The following CHKA variants were observed in gnomAD, a reference collection of about 807,000 sequenced individuals.
The protein encoded by CHKA is choline kinase alpha.
In CHKA, 34 loss-of-function variants were observed where a neutral mutation model predicts 60.1. The observed-to-expected ratio is 0.57, with a 90% confidence interval of 0.43 to 0.75. CHKA has a LOEUF of 0.75. Ranked by LOEUF, CHKA falls within the 30% of genes least tolerant of loss-of-function variation. CHKA has a pLI of 0.00. For missense variants in CHKA, 563 were observed against 561.3 expected (o/e 1.00, Z -0.03); for synonymous variants, 217 against 223.1 (o/e 0.97, Z 0.24).
At chr11:68,064,706 G>T (rs1485136897) in intron 9 of CHKA, 75 bp from the exon 10 acceptor site, 2 of 832,120 alleles carry the variant, frequency 2.4e-6, no homozygotes, top group Non-Finnish European at 3.9e-6. Context: ...CTAAGCATAT[G>T]CATCTACTGT....
intron 2 of CHKA, among the ~76,000 whole-genome samples, chr11:68,094,998 T>C (rs1198129979): frequency 6.6e-6 from 1 of 152,210 alleles, no homozygotes. Flanking sequence ...CATATGGATA[T>C]GATCTACTTT....
intron 1 of CHKA, among the ~76,000 whole-genome samples, chr11:68,100,899 C>G (rs1284297062): frequency 7.0e-6 from 1 of 142,438 alleles, no homozygotes. Flanking sequence ...TTCCTTAAAA[C>G]AGAATACTAA....
chr11:68,065,983 C>A, intron 8 of CHKA, 89 bp from the exon 9 acceptor site: 1 of 867,244 alleles, frequency 1.2e-6, no homozygotes, highest in South Asian at 1.5e-5. Flanking sequence ...GGCTGAGTTC[C>A]GAGCACGCCA....
Position 68,065,869 on chromosome 11 carries a change from A to C in CHKA, c.1042T>G (p.Cys348Gly). The C allele has an allele frequency of 6.2e-7, 1 of 1,602,246 alleles. No homozygotes were observed. Among genetic ancestry groups the C allele is most frequent in the Non-Finnish European group, 8.5e-7 (1 of 1,170,366 alleles). ...YRGFDIGNHF[C>G]EWMYDYSYEK... The stretch of plus-strand genomic sequence containing the variant: ...TAGCTATAATCATACATCCACTCAC[A>C]GAAGTGATTTCCAATGTCGAATCCC... Residue 348 changes from cysteine (C) to glycine (G), a missense_variant, in exon 9 of 12, where the codon TGT (cysteine) becomes GGT (glycine). Coordinates refer to ENST00000265689, the MANE Select transcript of CHKA (RefSeq NM_001277.3).
chr11:68,090,503 T>A (rs894121041), intron 2 of CHKA, among the ~76,000 whole-genome samples: 1 of 152,210 alleles, frequency 6.6e-6, no homozygotes, highest in Non-Finnish European at 1.5e-5. Context: ...TAGCAGCTGA[T>A]TTCTCAGTAG....
chr11:68,084,345 T>C (rs1857097310), intron 2 of CHKA, among the ~76,000 whole-genome samples: 1 of 139,212 alleles, frequency 7.2e-6, no homozygotes. Flanking sequence ...CGTATATATA[T>C]GTGTATATAT....
intron 11 of CHKA, among the ~76,000 whole-genome samples, chr11:68,058,937 C>T (rs1856121619): frequency 6.6e-6 from 1 of 152,128 alleles, no homozygotes; most frequent in Non-Finnish European, 1.5e-5. Flanking sequence ...GCTCTTGTTG[C>T]CCAGGCTGGA....
chr11:68,079,764 C>T (rs991302172), intron 3 of CHKA, among the ~76,000 whole-genome samples: 2 of 152,148 alleles, frequency 1.3e-5, no homozygotes, highest in African/African-American at 2.4e-5. Flanking sequence ...GTTTGAGGGG[C>T]ATGTGAGACA....
chr11:68,074,803 C>A lies in CHKA; in HGVS notation c.544G>T (p.Val182Phe). The change falls in exon 4 of 12, where the codon GTT becomes TTT. Residue 182 changes from valine to phenylalanine, a missense_variant. Physicochemically the swap from Val to Phe is conservative, Grantham distance 50. Transcript: ENST00000265689. ...QGAEAMVLES[V>F]MFAILAERSL... ...CTCTCTGCGAGAATGGCAAACATAA[C>A]GCTCTCCAGAACCATGGCCTCAGCC... 6.2e-7 allele frequency: 1 copy of A among 1,614,202 alleles called. No homozygotes were observed. Among genetic ancestry groups the A allele is most frequent in the Non-Finnish European group, 8.5e-7 (1 of 1,180,034 alleles).
intron 8 of CHKA, among the ~76,000 whole-genome samples, 154 bp downstream of exon 8, chr11:68,066,275 T>C (rs1856441765): frequency 6.6e-6 from 1 of 152,194 alleles, no homozygotes; most frequent in South Asian, 2.1e-4. Flanking sequence ...ACCACAACCA[T>C]CACCGGCCAC....
In CHKA at chr11:68,119,724, T is replaced by G. The variant is rs1234652143; in HGVS notation, c.350+1104A>C. On this transcript the variant is annotated intron_variant, in intron 1 of 11. Coordinates refer to ENST00000265689, the MANE Select transcript of CHKA (RefSeq NM_001277.3). ...ACCTCGTGACCCGCCCACCTTGGCCTCCCAAAGTGCTGGGATTACAGGCGT... is the reference window on the plus strand; with the variant it reads ...ACCTCGTGACCCGCCCACCTTGGCCGCCCAAAGTGCTGGGATTACAGGCGT... Among the ~76,000 whole-genome samples, 12 of 152,022 alleles carry G rather than the reference T, an allele frequency of 7.9e-5. 1 individual carries two copies. The South Asian group carries it at 2.5e-3, about 32-fold the overall frequency.
intron 1 of CHKA, among the ~76,000 whole-genome samples, chr11:68,119,474 CTTTGTT>C (rs954858869): frequency 6.6e-6 from 1 of 152,016 alleles, no homozygotes; most frequent in East Asian, 1.9e-4. Flanking sequence ...GGAACACGTT[CTTTGTT>C]TTTGTTTTTT....
At chr11:68,080,007 G>C (rs570597973) in intron 3 of CHKA, among the ~76,000 whole-genome samples, 110 of 152,284 alleles carry the variant, frequency 7.2e-4, no homozygotes, top group African/African-American at 2.5e-3. Flanking sequence ...AAAAGGGTGG[G>C]GGTCATGTCA....
At chr11:68,055,383 ACT>A (rs1456288840) in intron 11 of CHKA, among the ~76,000 whole-genome samples, 3 of 152,026 alleles carry the variant, frequency 2.0e-5, no homozygotes, top group Admixed American at 6.6e-5. Flanking sequence ...ACAGAGTGAG[ACT>A]CTGTCTCAAA....
chr11:68,084,425 C>T (rs12807448), intron 2 of CHKA, among the ~76,000 whole-genome samples: 24 of 65,004 alleles, frequency 3.7e-4, no homozygotes, highest in South Asian at 2.2e-3. Flanking sequence ...TATATATATA[C>T]ACATATATAT....
At chr11:68,069,083 T>C (rs760676794) in intron 6 of CHKA, 146 bp from the exon 7 acceptor site, 1 of 617,212 alleles carries the variant, frequency 1.6e-6, no homozygotes, top group Non-Finnish European at 2.9e-6. Context: ...TTCTGACAAC[T>C]GCGTCATTAC....
intron 2 of CHKA, among the ~76,000 whole-genome samples, chr11:68,091,974 C>T (rs1857362994): frequency 6.6e-6 from 1 of 152,036 alleles, no homozygotes; most frequent in African/African-American, 2.4e-5. Flanking sequence ...AATACATAGA[C>T]CTATTATTTG....
At chr11:68,119,656 T>C (rs1565198660) in intron 1 of CHKA, among the ~76,000 whole-genome samples, 1 of 151,908 alleles carries the variant, frequency 6.6e-6, no homozygotes, top group African/African-American at 2.4e-5. Context: ...TTTTAGTAGA[T>C]ATGGGGTTTC....
At chr11:68,097,172 G>A (rs776854783) in intron 1 of CHKA, 42 bp from the exon 2 acceptor site, 3 of 1,458,306 alleles carry the variant, frequency 2.1e-6, no homozygotes, top group Non-Finnish European at 2.9e-6. Flanking sequence ...TATTGCAGGT[G>A]AGCTAAATCA....
Sources: allele counts gnomAD v4.1 joint callset (sites outside exome capture counted in the v4.1 genomes callset), GRCh38; gene constraint gnomAD v4.1.1; transcripts MANE v1.5; gene names NCBI Gene and HGNC (gene_info 2026-07-23, HGNC 2026-07-21).